CTNNA2: variants seen among roughly 807,000 people sequenced by gnomAD.
CTNNA2 encodes the protein catenin alpha-2.
A neutral mutation model predicts 101.0 loss-of-function variants in CTNNA2; 42 were observed. The ratio of observed to expected loss-of-function variants is 0.42; its 90% CI spans 0.32 to 0.54. The LOEUF (loss-of-function observed/expected upper bound fraction) is 0.54, where lower values mean the gene tolerates loss of function less well. Among genes scored for constraint, CTNNA2 ranks in the 20% least tolerant of loss-of-function variants. CTNNA2 has a pLI of 0.14. For synonymous variants in CTNNA2, 450 were observed against 456.4 expected (o/e 0.99, Z 0.18); for missense variants, 871 against 1,223.1 (o/e 0.71, Z 4.29).
At chr2:80,461,860 A>G (rs925481408) in intron 9 of CTNNA2, among the ~76,000 whole-genome samples, 1 of 152,182 alleles carries the variant, frequency 6.6e-6, no homozygotes, top group Admixed American at 6.6e-5. Flanking sequence ...GGATAATCAA[A>G]GATATATGCC....
At chr2:79,240,536 A>G (rs761271838) in intron 2 of CTNNA2, among the ~76,000 whole-genome samples, 11 of 152,164 alleles carry the variant, frequency 7.2e-5, no homozygotes, top group Non-Finnish European at 1.5e-5. Context: ...TGTTGCTGTA[A>G]AGGACATGAT....
chr2:79,223,475 G>T (rs185227435), intron 2 of CTNNA2, among the ~76,000 whole-genome samples: 30 of 152,178 alleles, frequency 2.0e-4, no homozygotes, highest in African/African-American at 7.0e-4. Context: ...TTGATCTTTA[G>T]CAGAGTGGAG....
intron 1 of CTNNA2, among the ~76,000 whole-genome samples, chr2:79,565,841 G>A (rs756519222): frequency 3.3e-5 from 5 of 152,176 alleles, no homozygotes; most frequent in Admixed American, 6.5e-5. Flanking sequence ...AGAGATCTCT[G>A]CGTGTTTAGG....
chr2:80,606,293 C>G (rs1697995224), intron 16 of CTNNA2, among the ~76,000 whole-genome samples: 1 of 150,680 alleles, frequency 6.6e-6, no homozygotes, highest in African/African-American at 2.4e-5. Context: ...TTGATTTTAC[C>G]TTTTTGGGCT....
chr2:80,105,988 C>G (rs1009444121), intron 7 of CTNNA2, among the ~76,000 whole-genome samples: 1 of 152,088 alleles, frequency 6.6e-6, no homozygotes, highest in African/African-American at 2.4e-5. Context: ...AGGTAACAGT[C>G]CAATGACAAT....
At chr2:79,247,121 T>C (rs1410742511) in intron 2 of CTNNA2, among the ~76,000 whole-genome samples, 1 of 152,160 alleles carries the variant, frequency 6.6e-6, no homozygotes, top group South Asian at 2.1e-4. Flanking sequence ...GAACCACTTG[T>C]GGATGTGGGA....
intron 15 of CTNNA2, among the ~76,000 whole-genome samples, chr2:80,603,416 C>A (rs1458901960): frequency 6.6e-6 from 1 of 152,038 alleles, no homozygotes; most frequent in Non-Finnish European, 1.5e-5. Context: ...TTTGTACGTT[C>A]TTTCATAAAT....
intron 2 of CTNNA2, among the ~76,000 whole-genome samples, 173 bp downstream of exon 2, chr2:79,651,831 G>C (rs1222887698): frequency 2.6e-5 from 4 of 152,134 alleles, no homozygotes; most frequent in African/African-American, 9.7e-5. Flanking sequence ...TATAACATTT[G>C]AAGTGGCTTT....
intron 2 of CTNNA2, among the ~76,000 whole-genome samples, chr2:79,692,018 C>CA (rs1310958539): frequency 1.3e-5 from 2 of 152,118 alleles, no homozygotes; most frequent in African/African-American, 4.8e-5. Flanking sequence ...GCAAAATTGA[C>CA]AAATGGGATC....
chr2:80,299,491 C>A (rs1676053313), intron 7 of CTNNA2: 1 of 152,128 alleles, frequency 6.6e-6, no homozygotes, highest in Non-Finnish European at 1.5e-5. Context: ...CATACAGACA[C>A]ACACACAAAG....
chr2:80,455,789 C>A (rs1311895351), intron 9 of CTNNA2, among the ~76,000 whole-genome samples: 2 of 152,156 alleles, frequency 1.3e-5, no homozygotes, highest in East Asian at 3.9e-4. Flanking sequence ...TCTCTACCAG[C>A]AGAATGTCAG....
At chr2:79,281,721 C>T (rs940897961) in intron 2 of CTNNA2, among the ~76,000 whole-genome samples, 1 of 152,314 alleles carries the variant, frequency 6.6e-6, no homozygotes, top group South Asian at 2.1e-4. Flanking sequence ...CAACAGCACA[C>T]ACTTCATCAG....
chr2:80,600,035 T>G (rs555063395), intron 15 of CTNNA2, among the ~76,000 whole-genome samples: 1 of 151,838 alleles, frequency 6.6e-6, no homozygotes, highest in South Asian at 2.1e-4. Flanking sequence ...TCTGTGTTTA[T>G]ATTTTATAGT....
intron 7 of CTNNA2, among the ~76,000 whole-genome samples, chr2:80,296,767 G>T (rs373769655): frequency 4.6e-5 from 7 of 152,200 alleles, no homozygotes; most frequent in African/African-American, 1.7e-4. Context: ...TCCTTTGCTT[G>T]TAGGATGTTT....
intron 8 of CTNNA2, among the ~76,000 whole-genome samples, chr2:80,413,130 G>GA (rs1418867292): frequency 2.0e-5 from 3 of 152,204 alleles, no homozygotes; most frequent in African/African-American, 4.8e-5. Context: ...CACTCACAGA[G>GA]AAAAAAATCT....
At chr2:80,604,466 G>C (rs216662) in intron 16 of CTNNA2, among the ~76,000 whole-genome samples, 83,083 of 151,564 alleles carry the variant, frequency 0.55, 23,335 homozygotes, top group African/African-American at 0.67. Context: ...ATTGTCCCAG[G>C]CTTCCCCATT....
At chr2:79,900,567 C>T (rs1192864938) in intron 6 of CTNNA2, among the ~76,000 whole-genome samples, 2 of 152,274 alleles carry the variant, frequency 1.3e-5, no homozygotes, top group East Asian at 3.9e-4. Flanking sequence ...TGACCTATGG[C>T]ATCGGTACCT....
intron 7 of CTNNA2, among the ~76,000 whole-genome samples, chr2:80,306,834 A>G (rs1677074675): frequency 6.6e-6 from 1 of 151,990 alleles, no homozygotes; most frequent in Non-Finnish European, 1.5e-5. Flanking sequence ...TGCTTGGCAA[A>G]GTGGTGACAG....
chr2:80,578,950 C>G (rs555890400), intron 13 of CTNNA2: 1 of 152,108 alleles, frequency 6.6e-6, no homozygotes, highest in Non-Finnish European at 1.5e-5. Flanking sequence ...TTATCACCAT[C>G]ATTTATGAAT....
Sources: gnomAD v4.1 joint callset for allele counts (sites outside exome capture counted in the v4.1 genomes callset) on GRCh38, gnomAD v4.1.1 for gene constraint, MANE v1.5 for transcripts, NCBI Gene and HGNC (gene_info 2026-07-23, HGNC 2026-07-21) for gene names.